Variants in SAMMSON observed in about 807,000 individuals in gnomAD.
SAMMSON encodes long intergenic non-protein coding RNA 1212.
intron 4 of SAMMSON, among the ~76,000 whole-genome samples, chr3:70,158,567 A>G (rs142754604): frequency 1.2e-4 from 18 of 152,128 alleles, no homozygotes; most frequent in African/African-American, 4.1e-4. Flanking sequence ...GCAAACAAGA[A>G]AAGTAGTACC....
chr3:70,156,242 T>C (rs1368016777), intron 4 of SAMMSON, among the ~76,000 whole-genome samples: 1 of 152,076 alleles, frequency 6.6e-6, no homozygotes, highest in Non-Finnish European at 1.5e-5. Flanking sequence ...CATTCAGAGC[T>C]GAAGAGGAAA....
chr3:70,252,745 G>T (rs1452926349), intron 6 of SAMMSON, among the ~76,000 whole-genome samples: 1 of 151,860 alleles, frequency 6.6e-6, no homozygotes, highest in Non-Finnish European at 1.5e-5. Context: ...TGGTTCTGTG[G>T]ATACATCAGT....
intron 3 of SAMMSON, among the ~76,000 whole-genome samples, chr3:70,055,349 A>G (rs2107590338): frequency 6.6e-6 from 1 of 152,252 alleles, no homozygotes; most frequent in Non-Finnish European, 1.5e-5. Context: ...CTGATCCATG[A>G]ATTTGTCTAT....
At chr3:70,215,671 G>A (rs1011868912) in intron 4 of SAMMSON, among the ~76,000 whole-genome samples, 3 of 152,062 alleles carry the variant, frequency 2.0e-5, no homozygotes, top group African/African-American at 7.2e-5. Flanking sequence ...AATTTTGGAT[G>A]TATTTCTCCT....
chr3:70,351,146 T>C (rs1702792567), intron 7 of SAMMSON, among the ~76,000 whole-genome samples: 1 of 152,080 alleles, frequency 6.6e-6, no homozygotes, highest in African/African-American at 2.4e-5. Flanking sequence ...TAAAGAAATA[T>C]TCCCTACATA....
chr3:70,109,433 C>G (rs769891536), intron 4 of SAMMSON, among the ~76,000 whole-genome samples: 2 of 152,112 alleles, frequency 1.3e-5, no homozygotes, highest in Non-Finnish European at 1.5e-5. Context: ...CTAAAGTTGG[C>G]AAATAGCACA....
At chr3:70,098,377 T>C (rs890492929) in intron 4 of SAMMSON, among the ~76,000 whole-genome samples, 2 of 151,450 alleles carry the variant, frequency 1.3e-5, no homozygotes, top group African/African-American at 2.4e-5. Flanking sequence ...TTTTTCTTTC[T>C]TTTTTTTTGA....
intron 4 of SAMMSON, among the ~76,000 whole-genome samples, chr3:70,180,060 A>T (rs1477465611): frequency 6.6e-6 from 1 of 151,706 alleles, no homozygotes; most frequent in Non-Finnish European, 1.5e-5. Flanking sequence ...AAAAATGGGT[A>T]GAAAGGAAGG....
chr3:70,307,101 C>T (rs1171918074), intron 7 of SAMMSON, among the ~76,000 whole-genome samples: 2 of 151,944 alleles, frequency 1.3e-5, no homozygotes, highest in East Asian at 3.9e-4. Flanking sequence ...AGAGATACAC[C>T]CTCCTAGAAC....
In SAMMSON at chr3:70,420,415, G is replaced by T. The variant is rs533784893; in HGVS notation, n.234-42145G>T. ...TATGATTCTGCTCTGAATAAAATGG[G>T]GAAAGTGACTGTCTCATAGTGTCTA... is the stretch of plus-strand genomic sequence containing the variant. On this transcript the variant is annotated intron_variant and non_coding_transcript_variant, in intron 2 of 3. Coordinates refer to the SAMMSON transcript ENST00000641053. Among the ~76,000 whole-genome samples the T allele has an allele frequency of 2.6e-5, 4 of 152,266 alleles. No individual in the cohort carries two copies. The East Asian group carries it at 7.7e-4, about 29-fold the overall frequency.
At chr3:70,020,940 C>G (rs1253586612) in intron 3 of SAMMSON, among the ~76,000 whole-genome samples, 1 of 152,080 alleles carries the variant, frequency 6.6e-6, no homozygotes, top group Non-Finnish European at 1.5e-5. Context: ...GAGAAAATGG[C>G]AGAACCAAGT....
chr3:70,401,306 A>G (rs1458740003), intron 2 of SAMMSON, among the ~76,000 whole-genome samples: 1 of 152,206 alleles, frequency 6.6e-6, no homozygotes, highest in East Asian at 1.9e-4. Context: ...AGATTAGCCA[A>G]TAACTTGGGC....
At chr3:70,209,340 G>T (rs1701320141) in intron 4 of SAMMSON, among the ~76,000 whole-genome samples, 1 of 152,032 alleles carries the variant, frequency 6.6e-6, no homozygotes, top group East Asian at 1.9e-4. Flanking sequence ...TCCCTTGTGG[G>T]ACAAAATCAC....
intron 4 of SAMMSON, among the ~76,000 whole-genome samples, chr3:70,100,480 TC>T (rs1329839324): frequency 2.7e-5 from 4 of 145,622 alleles, no homozygotes; most frequent in Admixed American, 2.1e-4. Context: ...AGCATTTTTA[TC>T]CAGTTTTCAA....
intron 4 of SAMMSON, among the ~76,000 whole-genome samples, chr3:70,129,949 C>T (rs1299337761): frequency 6.6e-6 from 1 of 152,158 alleles, no homozygotes; most frequent in Non-Finnish European, 1.5e-5. Flanking sequence ...GGTTACTATA[C>T]TCGAGCAAAT....
At position 70,078,097 on chromosome 3, in the gene SAMMSON, G is replaced by T. The variant is rs367705017; in HGVS notation, n.507+6532G>T. Reference sequence around the variant, plus strand: ...CTATCCCATCACATGTGTGTGGGGGGAAGATTTAGAAGATGGGGGTGGGGA... The same window carrying T: ...CTATCCCATCACATGTGTGTGGGGGTAAGATTTAGAAGATGGGGGTGGGGA... On this transcript the variant is annotated intron_variant and non_coding_transcript_variant, in intron 4 of 9. Transcript: ENST00000642114. 3.0e-4 allele frequency among the ~76,000 whole-genome samples: 45 copies of T among 152,226 alleles called. 1 individual carries two copies. Among genetic ancestry groups the T allele is most frequent in the African/African-American group, 1.1e-3 (45 of 41,550 alleles).
chr3:70,394,050 T>C (rs1315194195), downstream of SAMMSON, among the ~76,000 whole-genome samples: 1 of 152,110 alleles, frequency 6.6e-6, no homozygotes, highest in Non-Finnish European at 1.5e-5. Flanking sequence ...GTTCCAGCAG[T>C]AGCAGTACAA....
intron 9 of SAMMSON, among the ~76,000 whole-genome samples, chr3:70,375,268 TC>T (rs750472244): frequency 2.0e-5 from 3 of 152,206 alleles, no homozygotes; most frequent in Non-Finnish European, 2.9e-5. Flanking sequence ...TTCTTGCATT[TC>T]CCGTGTGGTC....
At chr3:70,122,656 A>G (rs909250359) in intron 4 of SAMMSON, among the ~76,000 whole-genome samples, 11 of 152,270 alleles carry the variant, frequency 7.2e-5, no homozygotes, top group Non-Finnish European at 1.5e-4. Flanking sequence ...TTTATTCAAG[A>G]TGAAAAGCTG....
Sources: allele counts gnomAD v4.1 joint callset (sites outside exome capture counted in the v4.1 genomes callset), GRCh38; gene constraint gnomAD v4.1.1; transcripts MANE v1.5; gene names NCBI Gene and HGNC (gene_info 2026-07-23, HGNC 2026-07-21).